DCLK1: variants seen among roughly 807,000 people sequenced by gnomAD.
DCLK1 encodes serine/threonine-protein kinase DCLK1.
Under a neutral mutation model 86.2 loss-of-function variants are expected in DCLK1, and 16 were observed. The observed-to-expected ratio is 0.19, with a 90% CI of 0.13 to 0.28. DCLK1 has a LOEUF of 0.28. Among genes scored for constraint, DCLK1 ranks in the 10% least tolerant of loss-of-function variants. The probability of loss-of-function intolerance (pLI) is 1.00; values close to 1 mark genes in which losing one functional copy is unlikely to be tolerated. For synonymous variants in DCLK1, 369 were observed against 370.5 expected, an observed-to-expected ratio of 1.00 and a Z score of 0.05; for missense variants, 590 against 940.2, an observed-to-expected ratio of 0.63 and a Z score of 4.87.
Position 36,100,213 on chromosome 13 carries a change from A to C in DCLK1, c.723+11656T>G, listed in dbSNP as rs201918529. Reference sequence around the variant, plus strand: ...AAAAAAAAAAAAAAAAAAAAAAAAAACCACACACACACAAAATTAGCCAGG... The same window carrying C: ...AAAAAAAAAAAAAAAAAAAAAAAAACCCACACACACACAAAATTAGCCAGG... On this transcript the variant is annotated intron_variant, in intron 3 of 16. Transcript: ENST00000360631. Among the ~76,000 whole-genome samples the C allele has an allele frequency of 1.9e-4, 16 of 84,180 alleles. 2 individuals are homozygous for C. Among genetic ancestry groups the C allele is most frequent in the African/African-American group, 2.4e-4 (6 of 24,652 alleles). 55.2% of individuals were successfully genotyped at this position (84,180 alleles called of 152,430 possible). A position where few individuals can be genotyped will look rare whatever the true frequency, so the allele number is the denominator to read the frequency against.
At chr13:36,038,119 A>T (rs964555274) in intron 3 of DCLK1, among the ~76,000 whole-genome samples, 6 of 152,310 alleles carry the variant, frequency 3.9e-5, no homozygotes, top group African/African-American at 7.2e-5. Flanking sequence ...GCAAGAGACC[A>T]TCAACCTCAT....
chr13:35,976,756 G>A (rs1241491121), intron 3 of DCLK1, among the ~76,000 whole-genome samples: 3 of 151,022 alleles, frequency 2.0e-5, no homozygotes, highest in African/African-American at 7.3e-5. Flanking sequence ...GGATGGTCTC[G>A]ATCTCTTGAC....
At chr13:35,930,685 A>T (rs1215778526) in intron 4 of DCLK1, among the ~76,000 whole-genome samples, 1 of 152,232 alleles carries the variant, frequency 6.6e-6, no homozygotes, top group Non-Finnish European at 1.5e-5. Context: ...TTAGACTGAG[A>T]TGATTCCAGC....
intron 3 of DCLK1, among the ~76,000 whole-genome samples, chr13:36,106,954 A>G (rs1289114973): frequency 6.6e-6 from 1 of 152,202 alleles, no homozygotes; most frequent in Non-Finnish European, 1.5e-5. Context: ...AAGGCCAAAA[A>G]GAAGAAAATA....
intron 3 of DCLK1, among the ~76,000 whole-genome samples, chr13:35,958,136 A>AACCATCACCACCACCACTGCTATAACC (rs1555352812): frequency 1.8e-4 from 2 of 11,288 alleles, no homozygotes; most frequent in African/African-American, 9.0e-4. Flanking sequence ...CCACTACTAT[A>AACCATCACCACCACCACTGCTATAACC]ACCACCACCA....
intron 15 of DCLK1, among the ~76,000 whole-genome samples, chr13:35,793,803 T>A (rs1448962403): frequency 1.3e-5 from 2 of 152,208 alleles, no homozygotes; most frequent in East Asian, 3.8e-4. Flanking sequence ...AAAAAGCAAG[T>A]TAATCTAGAT....
intron 4 of DCLK1, among the ~76,000 whole-genome samples, chr13:35,920,387 T>C (rs1030226394): frequency 1.3e-5 from 2 of 152,070 alleles, no homozygotes; most frequent in African/African-American, 2.4e-5. Flanking sequence ...TGAGGCAGAG[T>C]CTATAAAGGG....
At chr13:36,099,603 T>C (rs1885126318) in intron 3 of DCLK1, among the ~76,000 whole-genome samples, 1 of 152,222 alleles carries the variant, frequency 6.6e-6, no homozygotes, top group South Asian at 2.1e-4. Context: ...ACAGAATCCA[T>C]GCTGAATCGA....
intron 4 of DCLK1, among the ~76,000 whole-genome samples, chr13:35,912,366 T>C (rs1875090173): frequency 6.6e-6 from 1 of 152,198 alleles, no homozygotes; most frequent in Admixed American, 6.5e-5. Flanking sequence ...AATGTCTTTT[T>C]ACCAATCGAA....
At chr13:35,869,792 G>A (rs1872140203) in intron 5 of DCLK1, among the ~76,000 whole-genome samples, 1 of 152,172 alleles carries the variant, frequency 6.6e-6, no homozygotes, top group Admixed American at 6.5e-5. Flanking sequence ...AGGTGATGGT[G>A]ATGCTGCTAG....
At chr13:35,832,541 G>A (rs1005490165) in intron 8 of DCLK1, among the ~76,000 whole-genome samples, 6 of 152,176 alleles carry the variant, frequency 3.9e-5, no homozygotes, top group African/African-American at 1.4e-4. Flanking sequence ...AACCCCAGAA[G>A]TGCCCAGCAT....
In DCLK1 at chr13:36,112,024, T is replaced by C; in HGVS notation, c.568A>G (p.Ile190Val). 6.2e-7 allele frequency: 1 copy of C among 1,614,224 alleles called. No homozygotes were observed. Among genetic ancestry groups the C allele is most frequent in the Non-Finnish European group, 8.5e-7 (1 of 1,180,052 alleles). The change falls in exon 3 of 17, where the codon ATC becomes GTC. Residue 190 changes from isoleucine (I) to valine (V), a missense_variant. This residue lies in a region of DCLK1 where 195 missense variants were observed against 365.1 expected (regional missense o/e 0.53). Coordinates refer to ENST00000360631, the MANE Select transcript of DCLK1 (RefSeq NM_001330071.2). ...CGTGGCTTCACGCCACTTCTGATGA[T>C]GGTGACCAGCTTGGGCCGAATGAAA... ...KDFIRPKLVTIIRSGVKPRKA... is the reference protein window; with the variant it reads ...KDFIRPKLVTVIRSGVKPRKA...
At chr13:35,963,239 A>C (rs1288928988) in intron 3 of DCLK1, among the ~76,000 whole-genome samples, 1 of 152,242 alleles carries the variant, frequency 6.6e-6, no homozygotes, top group African/African-American at 2.4e-5. Flanking sequence ...TTACAAAGGA[A>C]ACCTGCAAAG....
At chr13:35,956,726 C>CAA (rs374438405) in intron 3 of DCLK1, among the ~76,000 whole-genome samples, 21 of 6,270 alleles carry the variant, frequency 3.3e-3, no homozygotes, top group African/African-American at 0.012. Context: ...CAAAACAAAA[C>CAA]AAAAAAAACA....
At chr13:35,917,815 G>A (rs1008381506) in intron 4 of DCLK1, among the ~76,000 whole-genome samples, 4 of 152,016 alleles carry the variant, frequency 2.6e-5, no homozygotes, top group African/African-American at 7.2e-5. Context: ...TGTGGCGGGG[G>A]GCAGGGCGGG....
At position 36,125,810 on chromosome 13, in the gene DCLK1, T is replaced by C; in HGVS notation, c.328A>G (p.Thr110Ala). Residue 110 changes from threonine (T) to alanine (A), a missense_variant, in exon 2 of 17, where the codon ACC (threonine) becomes GCC (alanine). By Grantham distance (58) the Thr-to-Ala change is moderately conservative. This residue lies in a region of DCLK1 where 195 missense variants were observed against 365.1 expected (regional missense o/e 0.53). Transcript: ENST00000360631. ...NLPQGVRTIY[T>A]IDGLKKISSL... The stretch of plus-strand genomic sequence containing the variant: ...GAAATCTTCTTGAGCCCATCAATGG[T>C]GTAGATTGTTCTCACTCCCTGGGGC... The C allele has an allele frequency of 6.2e-7, 1 of 1,614,170 alleles. No homozygotes were observed. Among genetic ancestry groups the C allele is most frequent in the Non-Finnish European group, 8.5e-7 (1 of 1,180,024 alleles).
intron 5 of DCLK1, chr13:35,869,032 C>G (rs979485919): frequency 2.1e-5 from 10 of 467,560 alleles, no homozygotes; most frequent in African/African-American, 2.0e-4. Context: ...CTCAAGTGAT[C>G]CACCCCCATC....
At chr13:35,839,903 G>A (rs1364733969) in intron 6 of DCLK1, among the ~76,000 whole-genome samples, 1 of 152,142 alleles carries the variant, frequency 6.6e-6, no homozygotes, top group Non-Finnish European at 1.5e-5. Context: ...TTGGCTATGG[G>A]GCAGTACTTT....
chr13:35,848,447 C>G (rs778380402), intron 6 of DCLK1: 261 of 985,166 alleles, frequency 2.6e-4, no homozygotes, highest in Non-Finnish European at 3.0e-4. Context: ...TATATATAGC[C>G]CCTGAACAGT....
Sources: gnomAD v4.1 joint callset for allele counts (sites outside exome capture counted in the v4.1 genomes callset) on GRCh38, gnomAD v4.1.1 for gene constraint, gnomAD v4.1.1 regional missense constraint, MANE v1.5 for transcripts, NCBI Gene and HGNC (gene_info 2026-07-23, HGNC 2026-07-21) for gene names.